The following LRRTM4 variants were observed in gnomAD, a reference collection of about 807,000 sequenced individuals.
The protein encoded by LRRTM4 is leucine-rich repeat transmembrane neuronal protein 4.
Under a neutral mutation model 47.6 loss-of-function variants are expected in LRRTM4, and 25 were observed. The ratio of observed to expected loss-of-function variants is 0.53; its 90% CI spans 0.38 to 0.73. The LOEUF is 0.73. Ranked by LOEUF, LRRTM4 falls within the 30% of genes least tolerant of loss-of-function variation. The pLI is 0.00. For missense variants in LRRTM4, 638 were observed against 713.4 expected (o/e 0.89, Z 1.20); for synonymous variants, 311 against 269.5 (o/e 1.15, Z -1.51).
At chr2:76,752,962 CA>C (rs2104057794) in intron 3 of LRRTM4, among the ~76,000 whole-genome samples, 1 of 152,274 alleles carries the variant, frequency 6.6e-6, no homozygotes, top group South Asian at 2.1e-4. Context: ...TCATTGACTG[CA>C]TTGGAAGCTG....
intron 3 of LRRTM4, among the ~76,000 whole-genome samples, chr2:76,894,272 T>C (rs574481180): frequency 1.7e-4 from 26 of 152,152 alleles, no homozygotes; most frequent in Middle Eastern, 3.4e-3. Flanking sequence ...ATGATACTTA[T>C]GCACTCATGA....
At chr2:77,413,498 A>G (rs545102973) in intron 3 of LRRTM4, among the ~76,000 whole-genome samples, 1 of 152,140 alleles carries the variant, frequency 6.6e-6, no homozygotes, top group East Asian at 1.9e-4. Context: ...TGAATGTAGT[A>G]TTTGCCCTAT....
At chr2:77,057,715 T>C (rs1679655386) in intron 3 of LRRTM4, among the ~76,000 whole-genome samples, 2 of 152,212 alleles carry the variant, frequency 1.3e-5, no homozygotes, top group African/African-American at 4.8e-5. Context: ...AAGTACTTTT[T>C]TAAAAGCTTT....
chr2:77,262,384 C>T (rs966891375), intron 3 of LRRTM4, among the ~76,000 whole-genome samples: 3 of 152,076 alleles, frequency 2.0e-5, no homozygotes, highest in Admixed American at 6.6e-5. Flanking sequence ...ACACCCCTTC[C>T]TATTTCCCCT....
At chr2:76,924,514 A>C (rs892467268) in intron 3 of LRRTM4, among the ~76,000 whole-genome samples, 1 of 152,020 alleles carries the variant, frequency 6.6e-6, no homozygotes, top group Middle Eastern at 3.2e-3. Flanking sequence ...ATATTGCTAA[A>C]CTTCCACTGT....
chr2:76,866,526 C>A (rs927015815), intron 3 of LRRTM4, among the ~76,000 whole-genome samples: 4 of 151,254 alleles, frequency 2.6e-5, no homozygotes, highest in Non-Finnish European at 4.4e-5. Context: ...GATTTAAAAT[C>A]TTTTCCTTAC....
chr2:77,079,110 G>C (rs1680444174), intron 3 of LRRTM4, among the ~76,000 whole-genome samples: 1 of 152,084 alleles, frequency 6.6e-6, no homozygotes, highest in African/African-American at 2.4e-5. Flanking sequence ...TGAATTTTGG[G>C]GGATACAAAT....
chr2:76,953,018 G>A (rs770924682), intron 3 of LRRTM4, among the ~76,000 whole-genome samples: 1 of 151,766 alleles, frequency 6.6e-6, no homozygotes, highest in African/African-American at 2.4e-5. Context: ...ATAGACATTA[G>A]AGACTACTAG....
chr2:77,140,030 C>G (rs35397663), intron 3 of LRRTM4, among the ~76,000 whole-genome samples: 2,437 of 152,080 alleles, frequency 0.016, 58 homozygotes, highest in African/African-American at 0.055. Context: ...AATCAATATC[C>G]TGAAAATGGC....
intron 3 of LRRTM4, among the ~76,000 whole-genome samples, chr2:76,869,153 A>C (rs1012349085): frequency 1.3e-5 from 2 of 152,092 alleles, no homozygotes; most frequent in South Asian, 4.1e-4. Flanking sequence ...TACTAAAAAT[A>C]CAAAAATTAG....
intron 3 of LRRTM4, among the ~76,000 whole-genome samples, chr2:77,237,182 G>C (rs1266708027): frequency 7.5e-6 from 1 of 132,926 alleles, no homozygotes; most frequent in South Asian, 2.4e-4. Flanking sequence ...TTTTTTTTTT[G>C]GTTGCTAGGT....
chr2:77,244,892 G>A (rs1374894859), intron 3 of LRRTM4, among the ~76,000 whole-genome samples: 1 of 152,044 alleles, frequency 6.6e-6, no homozygotes, highest in Non-Finnish European at 1.5e-5. Flanking sequence ...GGCAACATCC[G>A]TGTAAGTAAC....
At chr2:77,166,994 G>GA (rs1672904227) in intron 3 of LRRTM4, among the ~76,000 whole-genome samples, 1 of 152,022 alleles carries the variant, frequency 6.6e-6, no homozygotes, top group Non-Finnish European at 1.5e-5. Context: ...CACAGCAAAG[G>GA]AAACTACCAT....
At chr2:77,166,754 T>C (rs981100539) in intron 3 of LRRTM4, among the ~76,000 whole-genome samples, 31 of 152,194 alleles carry the variant, frequency 2.0e-4, no homozygotes, top group African/African-American at 7.0e-4. Flanking sequence ...GCTAGCCATA[T>C]GTAGAAAGCT....
chr2:77,303,688 T>C (rs290044), intron 3 of LRRTM4, among the ~76,000 whole-genome samples: 18,658 of 152,244 alleles, frequency 0.12, 2,008 homozygotes, highest in African/African-American at 0.28. Flanking sequence ...AGATTTCACA[T>C]GTAAGTGAGG....
rs1204910640 is a variant in LRRTM4 at position 76,807,904 on chromosome 2, TCTTTCTTTTCTTTCCTTTCTTTCCTTTC to T, written c.1552-59016_1552-58989del. Among the ~76,000 whole-genome samples the T allele has an allele frequency of 1.9e-4, 27 of 143,436 alleles. 1 individual carries two copies. In the Admixed American group the frequency reaches 1.9e-3, roughly 10 times the overall value. The allele number at this position is 143,436 out of a possible 152,430, so 94.1% of individuals were successfully genotyped here. On this transcript the variant is annotated intron_variant, in intron 3 of 3. Coordinates refer to ENST00000409884, the MANE Select transcript of LRRTM4 (RefSeq NM_001134745.3). ...CCTATTTTCTTTTCTTCTTTACTTT[TCTTTCTTTTCTTTCCTTTCTTTCCTTTC>T]CTTTCTTTCTTTCTTTCTTTCTTTT...
chr2:76,911,376 A>G (rs1674049525), intron 3 of LRRTM4, among the ~76,000 whole-genome samples: 1 of 152,232 alleles, frequency 6.6e-6, no homozygotes, highest in Non-Finnish European at 1.5e-5. Context: ...TGTTTCCTGG[A>G]CAGCCAAGAA....
intron 3 of LRRTM4, among the ~76,000 whole-genome samples, chr2:77,438,245 AAC>A (rs1481479756): frequency 6.6e-6 from 1 of 152,148 alleles, no homozygotes; most frequent in Non-Finnish European, 1.5e-5. Flanking sequence ...TTGATTGTAT[AAC>A]ACAGAAATTA....
intron 3 of LRRTM4, among the ~76,000 whole-genome samples, chr2:76,945,787 T>G (rs1675304597): frequency 6.6e-6 from 1 of 151,396 alleles, no homozygotes; most frequent in Non-Finnish European, 1.5e-5. Flanking sequence ...GTGTATGTAT[T>G]TATTTCAAAA....
Sources: allele counts gnomAD v4.1 joint callset (sites outside exome capture counted in the v4.1 genomes callset), GRCh38; gene constraint gnomAD v4.1.1; transcripts MANE v1.5; gene names NCBI Gene and HGNC (gene_info 2026-07-23, HGNC 2026-07-21).